NAV3: variants seen among roughly 807,000 people sequenced by gnomAD.
NAV3 encodes neuron navigator 3.
In NAV3, 87 loss-of-function variants were observed where a neutral mutation model predicts 244.7. The observed-to-expected ratio is 0.36, with a 90% CI of 0.30 to 0.42. The LOEUF is 0.42. NAV3 is among the 20% of genes least tolerant of loss of function. The pLI, the probability that NAV3 is intolerant of heterozygous loss-of-function variation, is 1.00. For synonymous variants in NAV3, 1,126 were observed against 1,042.2 expected (o/e 1.08, Z -1.55); for missense variants, 2,663 against 2,893.3 (o/e 0.92, Z 1.83).
chr12:78,119,407 A>G lies in NAV3; in HGVS notation c.3211A>G (p.Ser1071Gly), dbSNP rs774565223. The G allele has an allele frequency of 1.2e-5, 20 of 1,614,086 alleles. No homozygotes were observed. In the Middle Eastern group the frequency reaches 1.2e-3, roughly 93 times the overall value. Residue 1071 changes from serine to glycine, a missense_variant, in exon 15 of 40, where the codon AGT (serine) becomes GGT (glycine). Physicochemically the swap from Ser to Gly is moderately conservative, Grantham distance 56. Coordinates refer to ENST00000397909, the MANE Select transcript of NAV3 (RefSeq NM_001024383.2). ...CAGCTCCTTTGGCTTTAAGAAACCAAGTGGAGTAGGGTCATCTGCCATGAT... is the reference window on the plus strand; with the variant it reads ...CAGCTCCTTTGGCTTTAAGAAACCAGGTGGAGTAGGGTCATCTGCCATGAT... ...ATSSFGFKKP[S>G]GVGSSAMITS...
chr12:77,645,553 A>AAAAAAAACAAAC (rs1276248379), intron 2 of NAV3, among the ~76,000 whole-genome samples: 1 of 151,606 alleles, frequency 6.6e-6, no homozygotes, highest in African/African-American at 2.4e-5. Flanking sequence ...AAAAAAAAAA[A>AAAAAAAACAAAC]AAAAAAACTT....
intron 2 of NAV3, among the ~76,000 whole-genome samples, chr12:77,743,263 G>A (rs932391877): frequency 5.3e-5 from 8 of 151,688 alleles, no homozygotes; most frequent in African/African-American, 7.3e-5. Flanking sequence ...GTTGAATGAC[G>A]GTTTATATTA....
intron 5 of NAV3, among the ~76,000 whole-genome samples, chr12:77,978,344 T>A (rs564370139): frequency 6.6e-6 from 1 of 152,270 alleles, no homozygotes; most frequent in Admixed American, 6.5e-5. Flanking sequence ...TATTTAAAAT[T>A]TTATAACAGG....
At chr12:77,639,230 T>A (rs1872288211) in intron 2 of NAV3, among the ~76,000 whole-genome samples, 1 of 152,204 alleles carries the variant, frequency 6.6e-6, no homozygotes, top group African/African-American at 2.4e-5. Flanking sequence ...TTTTAAGGAC[T>A]ACATGAATGT....
chr12:77,640,207 G>A (rs187051184), intron 2 of NAV3, among the ~76,000 whole-genome samples: 1 of 152,174 alleles, frequency 6.6e-6, no homozygotes, highest in East Asian at 1.9e-4. Context: ...AAGAAATGAT[G>A]CAGTTAGAAA....
At chr12:77,692,527 T>C (rs1403519924) in intron 2 of NAV3, among the ~76,000 whole-genome samples, 1 of 152,106 alleles carries the variant, frequency 6.6e-6, no homozygotes, top group Non-Finnish European at 1.5e-5. Context: ...TGGGGTATGA[T>C]ACAGTAAACC....
intron 12 of NAV3, among the ~76,000 whole-genome samples, chr12:78,089,847 A>G (rs1452850158): frequency 6.6e-6 from 1 of 152,138 alleles, no homozygotes; most frequent in Non-Finnish European, 1.5e-5. Flanking sequence ...TTCATCTTCC[A>G]TTCCTCTTTA....
At chr12:77,972,517 A>T (rs1005290491) in intron 5 of NAV3, among the ~76,000 whole-genome samples, 3 of 152,142 alleles carry the variant, frequency 2.0e-5, no homozygotes, top group African/African-American at 7.2e-5. Flanking sequence ...AATATTAAGC[A>T]TCTTATTTGC....
intron 31 of NAV3, among the ~76,000 whole-genome samples, chr12:78,186,182 T>C (rs781622289): frequency 4.6e-5 from 7 of 151,896 alleles, no homozygotes; most frequent in Non-Finnish European, 8.8e-5. Flanking sequence ...AGCAAGGTCC[T>C]AGATGACCAG....
intron 23 of NAV3, among the ~76,000 whole-genome samples, chr12:78,163,069 A>C (rs1957632896): frequency 6.6e-6 from 1 of 150,916 alleles, no homozygotes; most frequent in Non-Finnish European, 1.5e-5. Context: ...AAGCTAAAAC[A>C]CAAAGTAACA....
intron 21 of NAV3, among the ~76,000 whole-genome samples, chr12:78,148,505 T>C (rs1956951411): frequency 6.6e-6 from 1 of 151,928 alleles, no homozygotes. Flanking sequence ...AAAGAAAATA[T>C]TTTTCTACAG....
chr12:78,115,941 G>A (rs376182202), intron 12 of NAV3, among the ~76,000 whole-genome samples: 3 of 152,294 alleles, frequency 2.0e-5, no homozygotes, highest in African/African-American at 7.2e-5. Flanking sequence ...AATACAGTTA[G>A]TACAATATGT....
intron 1 of NAV3, among the ~76,000 whole-genome samples, chr12:77,913,093 GA>G (rs1222263279): frequency 1.3e-5 from 2 of 151,928 alleles, no homozygotes; most frequent in Non-Finnish European, 2.9e-5. Flanking sequence ...AATGCATGGT[GA>G]AAAAATTCTT....
intron 39 of NAV3, among the ~76,000 whole-genome samples, chr12:78,208,062 G>A (rs1292784910): frequency 6.6e-6 from 1 of 152,148 alleles, no homozygotes; most frequent in Non-Finnish European, 1.5e-5. Flanking sequence ...AATTTGTAAA[G>A]AAAAGAGATT....
chr12:78,114,339 G>A (rs1955259402), intron 12 of NAV3, among the ~76,000 whole-genome samples: 1 of 152,020 alleles, frequency 6.6e-6, no homozygotes, highest in Non-Finnish European at 1.5e-5. Flanking sequence ...CCCACTCCTG[G>A]TACCAATTTA....
chr12:78,150,629 CCTCACACACACACACACACACA>C (rs1957041645), intron 22 of NAV3, among the ~76,000 whole-genome samples: 1 of 122,532 alleles, frequency 8.2e-6, no homozygotes, highest in African/African-American at 2.9e-5. Flanking sequence ...GCAAAAGCTT[CCTCACACACACACACACACACA>C]CACACACACA....
chr12:77,892,707 G>A (rs896401044), intron 1 of NAV3, among the ~76,000 whole-genome samples: 7 of 152,094 alleles, frequency 4.6e-5, no homozygotes, highest in African/African-American at 1.2e-4. Context: ...GAGCCACTGC[G>A]CCCGGCCCAA....
intron 9 of NAV3, among the ~76,000 whole-genome samples, chr12:78,044,996 T>A (rs368996846): frequency 2.4e-4 from 37 of 152,158 alleles, no homozygotes; most frequent in African/African-American, 8.4e-4. Flanking sequence ...GAGGGCACCC[T>A]TGTGTTGTGC....
rs71088341 is a variant in NAV3, at chr12:77,831,169, C to CAGAGAGAGAG, written c.-277_-268dup. ...CACTGAACAGAGAGAGAGAGAGAGACAGAGAGAGAGAGAGAGAGAGAGAGA... is the reference window on the plus strand; with the variant it reads ...CACTGAACAGAGAGAGAGAGAGAGACAGAGAGAGAGAGAGAGAGAGAGAGAGAGAGAGAGA... On this transcript the variant is annotated 5_prime_UTR_variant, in exon 1 of 40. Coordinates refer to ENST00000397909, the MANE Select transcript of NAV3 (RefSeq NM_001024383.2). 7.1e-6 allele frequency: 1 copy of CAGAGAGAGAG among 141,156 alleles called. No individual in the cohort carries two copies. Among genetic ancestry groups the CAGAGAGAGAG allele is most frequent in the African/African-American group, 4.4e-5 (1 of 22,666 alleles). The allele number at this position is 141,156 out of a possible 1,614,324, so 8.7% of individuals were successfully genotyped here.
Sources: gnomAD v4.1 joint callset for allele counts (sites outside exome capture counted in the v4.1 genomes callset) on GRCh38, gnomAD v4.1.1 for gene constraint, MANE v1.5 for transcripts, NCBI Gene and HGNC (gene_info 2026-07-23, HGNC 2026-07-21) for gene names.